ZNF131: variants seen among roughly 807,000 people sequenced by gnomAD.
ZNF131 encodes zinc finger and BTB domain containing 35.
In ZNF131, 7 loss-of-function variants were observed where a neutral mutation model predicts 60.0. The ratio of observed to expected loss-of-function variants is 0.12; its 90% CI spans 0.07 to 0.22. The LOEUF is 0.22. Ranked by LOEUF, ZNF131 falls within the 10% of genes least tolerant of loss-of-function variation. ZNF131 has a pLI of 1.00. For synonymous variants in ZNF131, 257 were observed against 253.2 expected, an observed-to-expected ratio of 1.01 and a Z score of -0.14; for missense variants, 493 against 740.9, an observed-to-expected ratio of 0.67 and a Z score of 3.88.
chr5:43,143,936 T>TTTTTTTC (rs1561411672), intron 4 of ZNF131, among the ~76,000 whole-genome samples: 1 of 109,454 alleles, frequency 9.1e-6, no homozygotes, highest in African/African-American at 3.6e-5. Flanking sequence ...TTTTTTTTTT[T>TTTTTTTC]CCTTGAGACG....
rs1447768426 is a variant in ZNF131, at chr5:43,161,116, CAGGT to C, written c.372-129_372-126del. The C allele has an allele frequency of 8.1e-6, 6 of 744,198 alleles. No individual in the cohort carries two copies. In the African/African-American group the frequency reaches 8.8e-5, roughly 11 times the overall value. 46.1% of individuals were successfully genotyped at this position (744,198 alleles called of 1,614,324 possible). On this transcript the variant is annotated intron_variant, in intron 4 of 6. Transcript: ENST00000682664. ...TTACTGTAGCTTTAAGTCTTGAAAT[CAGGT>C]AGGATAAGCCCTGCAGTCTTGTTTT...
At chr5:43,153,554 A>G (rs1748596032) in intron 4 of ZNF131, among the ~76,000 whole-genome samples, 1 of 151,878 alleles carries the variant, frequency 6.6e-6, no homozygotes, top group Non-Finnish European at 1.5e-5. Flanking sequence ...AGGCAGGAGA[A>G]TCACTTGAAC....
intron 4 of ZNF131, among the ~76,000 whole-genome samples, chr5:43,145,135 G>A (rs1294288246): frequency 6.6e-6 from 1 of 151,852 alleles, no homozygotes; most frequent in East Asian, 1.9e-4. Context: ...TCGAAATTAT[G>A]CCTCTGAGAC....
intron 5 of ZNF131, among the ~76,000 whole-genome samples, chr5:43,168,969 G>A (rs1369640419): frequency 6.6e-6 from 1 of 151,920 alleles, no homozygotes; most frequent in Non-Finnish European, 1.5e-5. Context: ...GGGAAGGAGG[G>A]AAATACCAGA....
chr5:43,129,514 A>C (rs1251523995), intron 3 of ZNF131, among the ~76,000 whole-genome samples: 1 of 152,230 alleles, frequency 6.6e-6, no homozygotes, highest in Non-Finnish European at 1.5e-5. Context: ...TCTAAGGGTA[A>C]TGAAAAACAT....
chr5:43,121,975 C>CT, intron 1 of ZNF131, 64 bp from the exon 2 acceptor site: 1 of 1,542,058 alleles, frequency 6.5e-7, no homozygotes, highest in Non-Finnish European at 8.8e-7. Flanking sequence ...TTGTTTTATG[C>CT]TTTAGGGGTT....
intron 4 of ZNF131, among the ~76,000 whole-genome samples, chr5:43,151,814 C>A (rs1460211041): frequency 6.6e-6 from 1 of 152,082 alleles, no homozygotes; most frequent in African/African-American, 2.4e-5. Context: ...CACATAGGAA[C>A]CCTGAAAGGA....
chr5:43,122,481 T>C (rs1022727840), intron 2 of ZNF131, among the ~76,000 whole-genome samples: 2 of 152,194 alleles, frequency 1.3e-5, no homozygotes, highest in African/African-American at 4.8e-5. Context: ...TCAAAATGTT[T>C]GGTTGATAGC....
At chr5:43,156,244 C>T (rs1168894843) in intron 4 of ZNF131, among the ~76,000 whole-genome samples, 2 of 152,214 alleles carry the variant, frequency 1.3e-5, no homozygotes, top group Non-Finnish European at 2.9e-5. Flanking sequence ...AAATGCAAGT[C>T]CATCCTCTCC....
intron 4 of ZNF131, among the ~76,000 whole-genome samples, chr5:43,151,189 A>G (rs1287275186): frequency 6.6e-6 from 1 of 152,206 alleles, no homozygotes; most frequent in Non-Finnish European, 1.5e-5. Flanking sequence ...ATCAGTGAAC[A>G]TATCAGCTTA....
chr5:43,161,910 G>T lies in ZNF131; in HGVS notation c.1033G>T (p.Glu345Ter). Residue 345 changes from glutamate (E) to a stop codon, truncating the protein, a stop_gained, in exon 5 of 7, where the codon GAA becomes TAA. Coordinates refer to ENST00000682664, the MANE Select transcript of ZNF131 (RefSeq NM_001330707.2). LOFTEE classifies it high-confidence loss of function. ...GTTTGACCATTTTGGACATTTTAAA[G>T]AACATCTTCGAAAACATACAGGTAA... ...KQFDHFGHFK[E>*]HLRKHTGEKP... is the part of the protein sequence containing the mutation. 1 of 1,593,568 alleles carries T rather than the reference G, an allele frequency of 6.3e-7. No homozygotes were observed. Among genetic ancestry groups the T allele is most frequent in the South Asian group, 1.1e-5 (1 of 87,590 alleles).
intron 5 of ZNF131, among the ~76,000 whole-genome samples, chr5:43,172,722 G>T (rs927081468): frequency 7.3e-5 from 11 of 151,260 alleles, no homozygotes. Flanking sequence ...TTATACCTCC[G>T]TGCCTCTTTC....
intron 3 of ZNF131, among the ~76,000 whole-genome samples, chr5:43,137,858 T>C (rs1296082426): frequency 6.6e-6 from 1 of 152,192 alleles, no homozygotes; most frequent in African/African-American, 2.4e-5. Context: ...AAAGAAAATG[T>C]AGTATATGTA....
chr5:43,162,823 T>C (rs1302679952), intron 5 of ZNF131, among the ~76,000 whole-genome samples: 1 of 146,304 alleles, frequency 6.8e-6, no homozygotes, highest in Non-Finnish European at 1.5e-5. Flanking sequence ...GAGAATTGCT[T>C]GAACCCGGGA....
intron 3 of ZNF131, among the ~76,000 whole-genome samples, chr5:43,128,034 C>T (rs1744776023): frequency 6.6e-6 from 1 of 152,168 alleles, no homozygotes; most frequent in South Asian, 2.1e-4. Flanking sequence ...TGCAGGGATT[C>T]CCTGAGTCTA....
At chr5:43,141,018 C>T (rs17243023) in intron 4 of ZNF131, among the ~76,000 whole-genome samples, 14,786 of 151,930 alleles carry the variant, frequency 0.097, 853 homozygotes, top group East Asian at 0.19. Flanking sequence ...TGTGACTGGC[C>T]GAATAAAAGT....
At chr5:43,123,350 G>T in intron 3 of ZNF131, 40 bp downstream of exon 3, 1 of 1,525,834 alleles carries the variant, frequency 6.6e-7, no homozygotes, top group Non-Finnish European at 8.9e-7. Context: ...ATAAATCAAA[G>T]AAGCCATTTT....
chr5:43,168,763 A>G (rs951802537), intron 5 of ZNF131, among the ~76,000 whole-genome samples: 2 of 152,102 alleles, frequency 1.3e-5, no homozygotes, highest in East Asian at 3.9e-4. Flanking sequence ...CCAAACCAGA[A>G]TGGGAGGTTG....
At chr5:43,122,775 A>G (rs1032827487) in intron 2 of ZNF131, among the ~76,000 whole-genome samples, 23 of 152,230 alleles carry the variant, frequency 1.5e-4, no homozygotes, top group Non-Finnish European at 2.9e-5. Flanking sequence ...TGGAGCTTCC[A>G]AATATTAGGC....
Sources: gnomAD v4.1 joint callset for allele counts (sites outside exome capture counted in the v4.1 genomes callset) on GRCh38, gnomAD v4.1.1 for gene constraint, MANE v1.5 for transcripts, NCBI Gene and HGNC (gene_info 2026-07-23, HGNC 2026-07-21) for gene names.